STK38L: variants seen among roughly 807,000 people sequenced by gnomAD.
STK38L encodes the protein serine/threonine kinase 38 like.
A neutral mutation model predicts 59.7 loss-of-function variants in STK38L; 28 were observed. The observed-to-expected ratio is 0.47, with a 90% CI of 0.35 to 0.64. The LOEUF (loss-of-function observed/expected upper bound fraction) is 0.64. STK38L is among the 30% of genes least tolerant of loss of function. The probability of loss-of-function intolerance (pLI) is 0.01; values close to 1 mark genes in which losing one functional copy is unlikely to be tolerated. For missense variants in STK38L, 314 were observed against 555.8 expected, an observed-to-expected ratio of 0.56 and a Z score of 4.37; for synonymous variants, 162 against 176.8, an observed-to-expected ratio of 0.92 and a Z score of 0.66.
intron 1 of STK38L, among the ~76,000 whole-genome samples, chr12:27,263,588 A>G (rs1001505814): frequency 2.6e-5 from 4 of 152,212 alleles, no homozygotes; most frequent in African/African-American, 9.6e-5. Flanking sequence ...TAATGTGCTT[A>G]AAGAGTCCCC....
At chr12:27,288,003 C>T (rs1943812949) in intron 1 of STK38L, among the ~76,000 whole-genome samples, 1 of 152,188 alleles carries the variant, frequency 6.6e-6, no homozygotes, top group East Asian at 1.9e-4. Flanking sequence ...GTGCCTCAGT[C>T]TCCCGAGTAG....
chr12:27,312,987 G>A (rs1170652388), intron 6 of STK38L, among the ~76,000 whole-genome samples: 1 of 152,172 alleles, frequency 6.6e-6, no homozygotes, highest in Non-Finnish European at 1.5e-5. Context: ...AGTGGCTCAC[G>A]CCTGTAATCC....
intron 2 of STK38L, 100 bp from the exon 3 acceptor site, chr12:27,302,037 A>G (rs112406231): frequency 2.4e-6 from 2 of 823,772 alleles, no homozygotes; most frequent in Non-Finnish European, 1.8e-6. Context: ...TTTTTAGCCT[A>G]GCAAGCTGAA....
Position 27,317,996 on chromosome 12 carries a change from G to A in STK38L, c.1056G>A (p.Glu352=). The A allele has an allele frequency of 1.2e-6, 2 of 1,613,994 alleles. No homozygotes were observed. The highest frequency in any genetic ancestry group is 1.7e-6 in the Non-Finnish European group (2 of 1,179,932). The change falls in exon 11 of 14, where the codon GAG becomes GAA. Residue 352 remains glutamate, a synonymous_variant. Coordinates refer to ENST00000389032, the MANE Select transcript of STK38L (RefSeq NM_015000.4). The part of the protein sequence containing the change: ...LVFPPEVPIS[E]KAKDLILRFC... ...TTCCTCCAGAGGTACCTATATCTGA[G>A]AAAGCCAAGGACTTAATTCTCAGGT... is the stretch of plus-strand genomic sequence containing the variant.
chr12:27,244,884 T>C (rs1942816526), intron 1 of STK38L, among the ~76,000 whole-genome samples: 8 of 152,224 alleles, frequency 5.3e-5, no homozygotes, highest in Admixed American at 5.2e-4. Context: ...TTAGAATCTG[T>C]CTTTACCATT....
intron 1 of STK38L, among the ~76,000 whole-genome samples, chr12:27,294,176 T>C (rs958807050): frequency 5.9e-5 from 9 of 152,164 alleles, no homozygotes; most frequent in African/African-American, 2.2e-4. Context: ...TACTGCAAAT[T>C]GTACACCTGT....
intron 3 of STK38L, among the ~76,000 whole-genome samples, chr12:27,307,138 A>T (rs530386366): frequency 1.3e-5 from 2 of 152,140 alleles, no homozygotes; most frequent in South Asian, 4.1e-4. Context: ...AAAGACATTT[A>T]AAAAAAGACA....
intron 1 of STK38L, among the ~76,000 whole-genome samples, chr12:27,246,645 C>T (rs1341642471): frequency 6.6e-6 from 1 of 152,102 alleles, no homozygotes; most frequent in African/African-American, 2.4e-5. Context: ...AAAAATCTGT[C>T]TTTGGTTAGT....
At chr12:27,252,916 C>T (rs950217919) in intron 1 of STK38L, among the ~76,000 whole-genome samples, 3 of 152,140 alleles carry the variant, frequency 2.0e-5, no homozygotes, top group African/African-American at 7.2e-5. Context: ...ATGTTTGGCC[C>T]TCCATTTAGA....
At chr12:27,264,793 G>C (rs1943269432) in intron 1 of STK38L, among the ~76,000 whole-genome samples, 1 of 152,108 alleles carries the variant, frequency 6.6e-6, no homozygotes, top group African/African-American at 2.4e-5. Flanking sequence ...ATACAAGGGG[G>C]ATCCTGGAAC....
intron 1 of STK38L, among the ~76,000 whole-genome samples, chr12:27,267,394 A>C (rs1413916449): frequency 3.3e-5 from 5 of 152,210 alleles, no homozygotes; most frequent in African/African-American, 1.2e-4. Context: ...CAGCTTGTTC[A>C]ATAAAGGAAG....
intron 2 of STK38L, 183 bp downstream of exon 2, chr12:27,298,037 T>C (rs1944070005): frequency 3.0e-6 from 2 of 674,402 alleles, no homozygotes; most frequent in South Asian, 5.1e-5. Flanking sequence ...TTTCCTGAGG[T>C]GCCCCAAGTC....
At chr12:27,302,473 C>G (rs1047689476) in intron 3 of STK38L, 1 of 222,712 alleles carries the variant, frequency 4.5e-6, no homozygotes, top group African/African-American at 2.3e-5. Flanking sequence ...GTTAGCTTTT[C>G]TAAAATTTTT....
chr12:27,244,747 C>T (rs1009071712), intron 1 of STK38L, among the ~76,000 whole-genome samples: 1 of 152,186 alleles, frequency 6.6e-6, no homozygotes, highest in African/African-American at 2.4e-5. Flanking sequence ...AAGCATGGCT[C>T]TTCAATTGTG....
intron 10 of STK38L, 28 bp from the exon 11 acceptor site, chr12:27,317,867 GA>G: frequency 1.2e-6 from 2 of 1,611,026 alleles, no homozygotes; most frequent in East Asian, 2.2e-5. Context: ...CAAAGCTGAT[GA>G]AACATTTTTG....
chr12:27,300,074 A>C (rs1565544644), intron 2 of STK38L, among the ~76,000 whole-genome samples: 1 of 152,182 alleles, frequency 6.6e-6, no homozygotes, highest in Non-Finnish European at 1.5e-5. Flanking sequence ...TGCAGTGTTA[A>C]AGTAATTCAG....
intron 3 of STK38L, among the ~76,000 whole-genome samples, chr12:27,306,282 A>T (rs1390097557): frequency 6.6e-6 from 1 of 152,118 alleles, no homozygotes; most frequent in Non-Finnish European, 1.5e-5. Flanking sequence ...ACTATATCCA[A>T]CTGTACTGTT....
At chr12:27,276,643 TTTA>T (rs2136622542) in intron 1 of STK38L, among the ~76,000 whole-genome samples, 1 of 152,364 alleles carries the variant, frequency 6.6e-6, no homozygotes, top group South Asian at 2.1e-4. Flanking sequence ...GTTAAATAGT[TTTA>T]AAAAATTATC....
At chr12:27,306,804 G>A (rs1460137405) in intron 3 of STK38L, among the ~76,000 whole-genome samples, 1 of 151,248 alleles carries the variant, frequency 6.6e-6, no homozygotes, top group African/African-American at 2.4e-5. Flanking sequence ...AGTGCAATGG[G>A]ATCTCAGCTC....
Sources: allele counts gnomAD v4.1 joint callset (sites outside exome capture counted in the v4.1 genomes callset), GRCh38; gene constraint gnomAD v4.1.1; transcripts MANE v1.5; gene names NCBI Gene and HGNC (gene_info 2026-07-23, HGNC 2026-07-21).